CHRAC1: variants seen among roughly 807,000 people sequenced by gnomAD.
CHRAC1 encodes chromatin accessibility complex protein 1.
CHRAC1 carries 6 observed loss-of-function variants against 9.1 expected under a neutral mutation model. The ratio of observed to expected loss-of-function variants is 0.66; its 90% CI spans 0.36 to 1.29. The LOEUF is 1.29. CHRAC1 is among the 50% of genes most tolerant of loss of function. The pLI is 0.03. For synonymous variants in CHRAC1, 73 were observed against 64.5 expected (o/e 1.13, Z -0.63); for missense variants, 168 against 163.5 (o/e 1.03, Z -0.15).
intron 1 of CHRAC1, among the ~76,000 whole-genome samples, chr8:140,512,565 C>T (rs2072290394): frequency 6.6e-6 from 1 of 152,214 alleles, no homozygotes; most frequent in Admixed American, 6.5e-5. Flanking sequence ...TTCAGCTACA[C>T]AGTTAAATGC....
intron 1 of CHRAC1, chr8:140,511,963 C>G (rs1033636981): frequency 7.0e-6 from 9 of 1,293,850 alleles, no homozygotes; most frequent in Non-Finnish European, 9.1e-6. Flanking sequence ...TCCGTGCGCA[C>G]CTTCGCCCCG....
intron 1 of CHRAC1, among the ~76,000 whole-genome samples, chr8:140,514,096 G>C (rs2072309924): frequency 6.6e-6 from 1 of 151,240 alleles, no homozygotes; most frequent in East Asian, 1.9e-4. Flanking sequence ...AATAGAGATG[G>C]GGTTTCACTA....
chr8:140,514,730 G>A (rs940167419), intron 2 of CHRAC1: 6 of 409,342 alleles, frequency 1.5e-5, no homozygotes, highest in Non-Finnish European at 2.6e-5. Flanking sequence ...CAAGATGTTG[G>A]TTGGCCGCGT....
Position 140,516,640 on chromosome 8 carries a change from G to A in CHRAC1, c.*1393G>A, listed in dbSNP as rs1264152039. ...CTTCTCCTGCCCCCTAGCAACCACT[G>A]GTGTTTTCTGTCCCTCTTGTTCATT... is the stretch of plus-strand genomic sequence containing the variant. On this transcript the variant is annotated 3_prime_UTR_variant, in exon 3 of 3. Transcript: ENST00000220913. 1.3e-5 allele frequency: 2 copies of A among 151,848 alleles called. No individual in the cohort carries two copies. The highest frequency in any genetic ancestry group is 2.9e-5 in the Non-Finnish European group (2 of 67,950). 9.4% of individuals were successfully genotyped at this position (151,848 alleles called of 1,614,324 possible). A position where few individuals can be genotyped will look rare whatever the true frequency, so the allele number is the denominator to read the frequency against.
intron 1 of CHRAC1, chr8:140,511,940 C>G: frequency 2.4e-6 from 3 of 1,257,390 alleles, no homozygotes; most frequent in Non-Finnish European, 3.1e-6. Flanking sequence ...CTTCGCTCCG[C>G]CCGCCCCTTC....
At position 140,511,551 on chromosome 8, in the gene CHRAC1, T is replaced by A; in HGVS notation, c.52T>A (p.Ser18Thr). Residue 18 changes from serine (S) to threonine (T), a missense_variant, in exon 1 of 3, where the codon TCG becomes ACG. Ser to Thr is a moderately conservative substitution (Grantham distance 58). Coordinates refer to ENST00000220913, the MANE Select transcript of CHRAC1 (RefSeq NM_017444.6). ...CAAGGGCGGGGAGCAGCGGCTCATCTCGCTGCCTCTATCCCGCATCCGGGT... is the reference window on the plus strand; with the variant it reads ...CAAGGGCGGGGAGCAGCGGCTCATCACGCTGCCTCTATCCCGCATCCGGGT... ...KDKGGEQRLISLPLSRIRVIM... is the reference protein window; with the variant it reads ...KDKGGEQRLITLPLSRIRVIM... The A allele has an allele frequency of 6.9e-7, 1 of 1,441,762 alleles. No homozygotes were observed. The highest frequency in any genetic ancestry group is 9.2e-7 in the Non-Finnish European group (1 of 1,089,296). 89.3% of individuals were successfully genotyped at this position (1,441,762 alleles called of 1,614,324 possible).
At chr8:140,511,695 G>T (rs1174210123) in intron 1 of CHRAC1, 49 bp downstream of exon 1, 8 of 1,280,056 alleles carry the variant, frequency 6.2e-6, no homozygotes, top group Non-Finnish European at 8.0e-6. Context: ...CTCGCGCCCC[G>T]CCCCGCCGGG....
In CHRAC1 at chr8:140,515,345, C is replaced by T. The variant is rs2072323221; in HGVS notation, c.*98C>T. Reference sequence around the variant, plus strand: ...GCACTGCCCGCTTTTAGCGTCTTCACTTCTTCACAGAGTTCCAGTGTGTGG... The same window carrying T: ...GCACTGCCCGCTTTTAGCGTCTTCATTTCTTCACAGAGTTCCAGTGTGTGG... On this transcript the variant is annotated 3_prime_UTR_variant, in exon 3 of 3. Transcript: ENST00000220913. 3 of 1,285,006 alleles carry T rather than the reference C, an allele frequency of 2.3e-6. No homozygotes were observed. The highest frequency in any genetic ancestry group is 1.5e-5 in the African/African-American group (1 of 67,326). 79.6% of individuals were successfully genotyped at this position (1,285,006 alleles called of 1,614,324 possible).
At chr8:140,512,721 A>C (rs1395772986) in intron 1 of CHRAC1, among the ~76,000 whole-genome samples, 1 of 152,252 alleles carries the variant, frequency 6.6e-6, no homozygotes, top group Non-Finnish European at 1.5e-5. Flanking sequence ...CCTAGAGCCC[A>C]GGGAAATAAT....
intron 1 of CHRAC1, 149 bp from the exon 2 acceptor site, chr8:140,514,220 T>C (rs2072311122): frequency 4.6e-6 from 4 of 876,592 alleles, no homozygotes; most frequent in Non-Finnish European, 4.9e-6. Context: ...CAGTGATTTC[T>C]TGTAATTTAA....
Position 140,511,783 on chromosome 8 carries a change from C to T in CHRAC1, c.147+137C>T, listed in dbSNP as rs1003541378. The T allele has an allele frequency of 3.3e-6, 3 of 903,478 alleles. No homozygotes were observed. The African/African-American group carries it at 5.4e-5, about 16-fold the overall frequency. 56.0% of individuals were successfully genotyped at this position (903,478 alleles called of 1,614,324 possible). A position where few individuals can be genotyped will look rare whatever the true frequency, so the allele number is the denominator to read the frequency against. On this transcript the variant is annotated intron_variant, in intron 1 of 2. Coordinates refer to ENST00000220913, the MANE Select transcript of CHRAC1 (RefSeq NM_017444.6). Reference sequence around the variant, plus strand: ...CGGGCTCGCGCGCGCCCCGCTGTCCCCGTCCCACGCCGGCGCGCGCTTCGG... The same window carrying T: ...CGGGCTCGCGCGCGCCCCGCTGTCCTCGTCCCACGCCGGCGCGCGCTTCGG...
In CHRAC1 at chr8:140,511,522, A is replaced by G; in HGVS notation, c.23A>G (p.Lys8Arg). The G allele has an allele frequency of 7.3e-7, 1 of 1,372,086 alleles. No individual in the cohort carries two copies. The highest frequency in any genetic ancestry group is 3.0e-5 in the East Asian group (1 of 33,280). 85.0% of individuals were successfully genotyped at this position (1,372,086 alleles called of 1,614,324 possible). Residue 8 changes from lysine (K) to arginine (R), a missense_variant, in exon 1 of 3, where the codon AAA (lysine) becomes AGA (arginine). By Grantham distance (26) the Lys-to-Arg change is conservative. Transcript: ENST00000220913. ...AAGATGGCGGACGTGGTCGTGGGTA[A>G]AGACAAGGGCGGGGAGCAGCGGCTC... MADVVVG[K>R]DKGGEQRLIS...
At chr8:140,514,348 G>T (rs767017035) in intron 1 of CHRAC1, 21 bp from the exon 2 acceptor site, 1 of 1,563,834 alleles carries the variant, frequency 6.4e-7, no homozygotes, top group Non-Finnish European at 8.6e-7. Context: ...CCTTTCATTT[G>T]CATTTTTCAT....
In CHRAC1 at chr8:140,514,357, A is replaced by T; in HGVS notation, c.148-12A>T. 1 of 1,567,196 alleles carries T rather than the reference A, an allele frequency of 6.4e-7. No individual in the cohort carries two copies. Among genetic ancestry groups the T allele is most frequent in the Non-Finnish European group, 8.6e-7 (1 of 1,166,772 alleles). ...AGCACACCTTTCATTTGCATTTTTCATTTTGTTCTAGGAGCTCTTTGTTCA... is the reference window on the plus strand; with the variant it reads ...AGCACACCTTTCATTTGCATTTTTCTTTTTGTTCTAGGAGCTCTTTGTTCA... On this transcript the variant is annotated splice_polypyrimidine_tract_variant and intron_variant, in intron 1 of 2. Coordinates refer to ENST00000220913, the MANE Select transcript of CHRAC1 (RefSeq NM_017444.6).
intron 1 of CHRAC1, 39 bp downstream of exon 1, chr8:140,511,685 C>A: frequency 7.7e-7 from 1 of 1,294,962 alleles, no homozygotes; most frequent in Non-Finnish European, 9.8e-7. Context: ...GCCCTTACCC[C>A]TCGCGCCCCG....
At position 140,515,257 on chromosome 8, in the gene CHRAC1, G is replaced by C. The variant is rs2072321689; in HGVS notation, c.*10G>C. On this transcript the variant is annotated 3_prime_UTR_variant, in exon 3 of 3. Transcript: ENST00000220913. ...TGAAGCTGACTCCTAAACCAAAAGT[G>C]CTTTAAAAACCAGCCTGGCGAGGAC... 6.2e-7 allele frequency: 1 copy of C among 1,612,914 alleles called. No homozygotes were observed. The highest frequency in any genetic ancestry group is 8.5e-7 in the Non-Finnish European group (1 of 1,179,714).
In CHRAC1 at chr8:140,516,525, CTG is replaced by C. The variant is rs773990259; in HGVS notation, c.*1281_*1282del. On this transcript the variant is annotated 3_prime_UTR_variant, in exon 3 of 3. Coordinates refer to ENST00000220913, the MANE Select transcript of CHRAC1 (RefSeq NM_017444.6). ...AAAATCACCCTTTTTAGTGTCTAGT[CTG>C]TGAATTTTGACAAATGCATGGTTTT... is the stretch of plus-strand genomic sequence containing the variant. The C allele has an allele frequency of 1.3e-5, 2 of 152,114 alleles. No homozygotes were observed. Among genetic ancestry groups the C allele is most frequent in the African/African-American group, 4.8e-5 (2 of 41,410 alleles). The allele number at this position is 152,114 out of a possible 1,614,324, so 9.4% of individuals were successfully genotyped here.
chr8:140,511,533 G>C lies in CHRAC1; in HGVS notation c.34G>C (p.Gly12Arg). 7.1e-7 allele frequency: 1 copy of C among 1,403,318 alleles called. No homozygotes were observed. The highest frequency in any genetic ancestry group is 9.3e-7 in the Non-Finnish European group (1 of 1,070,974). The allele number at this position is 1,403,318 out of a possible 1,614,324, so 86.9% of individuals were successfully genotyped here. A position where few individuals can be genotyped will look rare whatever the true frequency, so the allele number is the denominator to read the frequency against. ...ADVVVGKDKG[G>R]EQRLISLPLS... ...CGTGGTCGTGGGTAAAGACAAGGGC[G>C]GGGAGCAGCGGCTCATCTCGCTGCC... Residue 12 changes from glycine (G) to arginine (R), a missense_variant, in exon 1 of 3, where the codon GGG (glycine) becomes CGG (arginine). By Grantham distance (125) the Gly-to-Arg change is moderately radical. Coordinates refer to ENST00000220913, the MANE Select transcript of CHRAC1 (RefSeq NM_017444.6).
At chr8:140,514,688 A>C in intron 2 of CHRAC1, 193 bp downstream of exon 2, 1 of 483,638 alleles carries the variant, frequency 2.1e-6, no homozygotes, top group Non-Finnish European at 3.6e-6. Context: ...CATGTGGTCC[A>C]CCTAGAACAA....
Sources: allele counts gnomAD v4.1 joint callset (sites outside exome capture counted in the v4.1 genomes callset), GRCh38; gene constraint gnomAD v4.1.1; transcripts MANE v1.5; gene names NCBI Gene and HGNC (gene_info 2026-07-23, HGNC 2026-07-21).